Variants in CIROZ observed in about 807,000 individuals in gnomAD.
CIROZ encodes ciliated left-right organizer protein containing ZP-N domains, also known as ciliated left-right organizer ZP-N domains-containing protein.
At chr1:10,978,172 T>TA in the CIROZ span, among the ~76,000 whole-genome samples, 14,914 of 126,784 alleles carry the variant, frequency 0.12, 1,762 homozygotes, top group African/African-American at 0.31. Flanking sequence ...AACTCCACAG[T>TA]AAAAAAAAAA....
chr1:10,969,685 T>G, the CIROZ span, among the ~76,000 whole-genome samples: 1 of 152,206 alleles, frequency 6.6e-6, no homozygotes. Flanking sequence ...ACGTGGGCCG[T>G]GCCCTCACAG....
At chr1:10,974,183 G>A in the CIROZ span, among the ~76,000 whole-genome samples, 2 of 152,122 alleles carry the variant, frequency 1.3e-5, no homozygotes, top group African/African-American at 4.8e-5. The surrounding 1 kb of genome is among the most constrained non-coding windows in gnomAD (Gnocchi z 4.4). Context: ...CCAGTCCCCT[G>A]GACTGGAGTA....
At chr1:10,976,095 G>T in the CIROZ span, 1 of 1,414,914 alleles carries the variant, frequency 7.1e-7, no homozygotes, top group Non-Finnish European at 9.6e-7. Flanking sequence ...TTGGTTCTCA[G>T]TCTGCTCATT....
the CIROZ span, chr1:10,947,595 C>A: frequency 7.8e-7 from 1 of 1,285,380 alleles, no homozygotes; most frequent in Non-Finnish European, 1.0e-6. Flanking sequence ...CCCATCACTG[C>A]CTCCCACCCT....
the CIROZ span, chr1:10,964,168 A>T: frequency 6.2e-7 from 1 of 1,614,122 alleles, no homozygotes; most frequent in Non-Finnish European, 8.5e-7. Flanking sequence ...TTCCTGGCCC[A>T]GCCTTGACCT....
the CIROZ span, among the ~76,000 whole-genome samples, chr1:10,955,963 G>A: frequency 2.0e-5 from 3 of 152,126 alleles, no homozygotes; most frequent in Admixed American, 2.0e-4. Context: ...AGCTGCTAAT[G>A]GAAGCATCTG....
At chr1:10,951,254 A>G in the CIROZ span, among the ~76,000 whole-genome samples, 1 of 151,642 alleles carries the variant, frequency 6.6e-6, no homozygotes, top group East Asian at 1.9e-4. Context: ...GGCAACATGC[A>G]TGATCTCATC....
chr1:10,968,865 T>G, the CIROZ span, among the ~76,000 whole-genome samples: 1 of 152,258 alleles, frequency 6.6e-6, no homozygotes, highest in African/African-American at 2.4e-5. Context: ...CAGAAATGTT[T>G]AATGGGCTCT....
chr1:10,952,026 T>C, the CIROZ span, among the ~76,000 whole-genome samples: 14 of 152,234 alleles, frequency 9.2e-5, no homozygotes, highest in African/African-American at 2.9e-4. Context: ...CTTTAATTCC[T>C]GGTGAAAATT....
chr1:10,954,453 C>CAAAAA, the CIROZ span, among the ~76,000 whole-genome samples: 4 of 117,316 alleles, frequency 3.4e-5, no homozygotes, highest in Non-Finnish European at 3.7e-5. Context: ...GACTCTGTCT[C>CAAAAA]AAAAAAAAAA....
the CIROZ span, among the ~76,000 whole-genome samples, chr1:10,961,632 T>C: frequency 6.6e-6 from 1 of 152,148 alleles, no homozygotes; most frequent in African/African-American, 2.4e-5. Context: ...GGGCTGGGCA[T>C]ACAATAGATG....
the CIROZ span, among the ~76,000 whole-genome samples, chr1:10,960,932 C>T: frequency 6.6e-6 from 1 of 152,128 alleles, no homozygotes; most frequent in African/African-American, 2.4e-5. This position sits in a 1 kb window ranked among gnomAD's most constrained non-coding sequence, Gnocchi z 4.6. Flanking sequence ...GAGGCGGGGG[C>T]AGCAGAGACC....
chr1:10,967,828 G>T, the CIROZ span, among the ~76,000 whole-genome samples: 3 of 152,150 alleles, frequency 2.0e-5, no homozygotes, highest in South Asian at 6.2e-4. Context: ...AAAAAAATTA[G>T]CTGGGAGTGG....
At chr1:10,957,484 C>G in the CIROZ span, 1 of 1,372,504 alleles carries the variant, frequency 7.3e-7, no homozygotes, top group Non-Finnish European at 9.7e-7. Context: ...TTTTCGAAGG[C>G]GCCTGCCTAA....
the CIROZ span, chr1:10,947,895 C>A: frequency 1.4e-5 from 22 of 1,613,476 alleles, no homozygotes; most frequent in African/African-American, 4.0e-5. Flanking sequence ...TGCAACCCCC[C>A]ACTCCTCCTG....
the CIROZ span, chr1:10,957,009 C>T: frequency 6.5e-7 from 1 of 1,548,480 alleles, no homozygotes; most frequent in Non-Finnish European, 8.7e-7. Context: ...ATTAGGGGCA[C>T]TCCTGGGTCT....
chr1:10,962,301 G>A, the CIROZ span, among the ~76,000 whole-genome samples: 1 of 152,018 alleles, frequency 6.6e-6, no homozygotes, highest in East Asian at 1.9e-4. Flanking sequence ...TAAAAAATTA[G>A]CCGAGTATGG....
chr1:10,955,613 T>C, the CIROZ span, among the ~76,000 whole-genome samples: 3 of 151,594 alleles, frequency 2.0e-5, no homozygotes, highest in African/African-American at 7.3e-5. Context: ...GAGGCCGAGG[T>C]GGGTGGATTA....
the CIROZ span, among the ~76,000 whole-genome samples, chr1:10,972,420 T>TACAA: frequency 4.7e-3 from 621 of 131,784 alleles, 3 homozygotes; most frequent in African/African-American, 0.01. Context: ...GTCTCTGAAA[T>TACAA]ACACACACAC....
Sources: gnomAD v4.1 joint callset for allele counts (sites outside exome capture counted in the v4.1 genomes callset) on GRCh38, gnomAD v4.1.1 for gene constraint, Gnocchi (gnomAD v3.1) non-coding constraint, MANE v1.5 for transcripts, NCBI Gene and HGNC (gene_info 2026-07-23, HGNC 2026-07-21) for gene names.